Variants in CORO2B observed in about 807,000 individuals in gnomAD.
CORO2B encodes coronin 2B.
CORO2B carries 26 observed loss-of-function variants against 58.8 expected under a neutral mutation model. The observed-to-expected ratio is 0.44, with a 90% CI of 0.32 to 0.61. The LOEUF (loss-of-function observed/expected upper bound fraction) is 0.61, where lower values mean the gene tolerates loss of function less well. CORO2B is among the 20% of genes least tolerant of loss of function. The pLI is 0.04. For missense variants in CORO2B, 460 were observed against 645.1 expected, an observed-to-expected ratio of 0.71 and a Z score of 3.11; for synonymous variants, 242 against 253.8, an observed-to-expected ratio of 0.95 and a Z score of 0.44.
At chr15:68,563,677 C>T in the CORO2B span, among the ~76,000 whole-genome samples, 4 of 152,010 alleles carry the variant, frequency 2.6e-5, no homozygotes, top group Non-Finnish European at 5.9e-5. Context: ...AGACTCATAT[C>T]ACTAATGTCA....
At chr15:68,720,020 G>T (rs557060077) in intron 11 of CORO2B, among the ~76,000 whole-genome samples, 3 of 152,132 alleles carry the variant, frequency 2.0e-5, no homozygotes, top group Non-Finnish European at 2.9e-5. Context: ...AGCTCTTTTG[G>T]GGCAGCTCGG....
chr15:68,563,709 CT>C, the CORO2B span, among the ~76,000 whole-genome samples: 1 of 152,002 alleles, frequency 6.6e-6, no homozygotes, highest in Non-Finnish European at 1.5e-5. Context: ...GGGGACAATA[CT>C]ACCAACCTTA....
At chr15:68,654,875 T>C (rs921306903) in intron 2 of CORO2B, among the ~76,000 whole-genome samples, 3 of 152,234 alleles carry the variant, frequency 2.0e-5, no homozygotes, top group African/African-American at 7.2e-5. Flanking sequence ...GCCTTCCTGC[T>C]ACTGTTGTCT....
chr15:68,645,836 CG>C lies in CORO2B; in HGVS notation c.216+477del, dbSNP rs1379462415. Among the ~76,000 whole-genome samples, 1 of 152,002 alleles carries C rather than the reference CG, an allele frequency of 6.6e-6. No homozygotes were observed. Among genetic ancestry groups the C allele is most frequent in the Non-Finnish European group, 1.5e-5 (1 of 68,012 alleles). Reference sequence around the variant, plus strand: ...TCGTCCAGGCTGAAGTTCAATGGCGCGATCTCGGCTCACTGCAACCTCTGCC... The same window carrying C: ...TCGTCCAGGCTGAAGTTCAATGGCGCATCTCGGCTCACTGCAACCTCTGCC... On this transcript the variant is annotated intron_variant, in intron 2 of 11. Transcript: ENST00000261861. This position sits in a 1 kb window ranked among gnomAD's most constrained non-coding sequence, Gnocchi z 4.5.
intron 11 of CORO2B, among the ~76,000 whole-genome samples, chr15:68,724,791 C>T (rs1303218403): frequency 2.0e-5 from 3 of 152,158 alleles, no homozygotes; most frequent in African/African-American, 7.2e-5. Context: ...CTGTGGGTAA[C>T]ATTCAACTCA....
chr15:68,523,090 A>AT, the CORO2B span, among the ~76,000 whole-genome samples: 1 of 151,796 alleles, frequency 6.6e-6, no homozygotes, highest in Admixed American at 6.6e-5. Flanking sequence ...TTCTCTTGTC[A>AT]TTTTTCCTCC....
At chr15:68,661,208 C>T (rs1187840238) in intron 2 of CORO2B, among the ~76,000 whole-genome samples, 2 of 152,076 alleles carry the variant, frequency 1.3e-5, no homozygotes, top group African/African-American at 2.4e-5. Context: ...GAACTCCTGT[C>T]CTCAAGTGAT....
At chr15:68,662,021 TA>T (rs1566999573) in intron 2 of CORO2B, among the ~76,000 whole-genome samples, 4 of 151,438 alleles carry the variant, frequency 2.6e-5, no homozygotes, top group African/African-American at 7.3e-5. Flanking sequence ...AATAAATAAA[TA>T]AATAAATTAA....
chr15:68,562,832 C>T, the CORO2B span, among the ~76,000 whole-genome samples: 1 of 151,828 alleles, frequency 6.6e-6, no homozygotes, highest in South Asian at 2.1e-4. Context: ...AAAAAATTAG[C>T]CGGGCGTGGT....
At chr15:68,693,976 C>T (rs1365662396) in intron 2 of CORO2B, among the ~76,000 whole-genome samples, 2 of 152,202 alleles carry the variant, frequency 1.3e-5, no homozygotes, top group African/African-American at 4.8e-5. Context: ...GCTGGGATTA[C>T]AGGCGTGTGT....
intron 1 of CORO2B, among the ~76,000 whole-genome samples, chr15:68,622,526 T>G (rs1208743269): frequency 1.3e-5 from 2 of 152,136 alleles, no homozygotes; most frequent in Non-Finnish European, 2.9e-5. Flanking sequence ...GACCTCCAGT[T>G]TCTTTAATTG....
chr15:68,681,316 G>A (rs941764947), intron 2 of CORO2B, among the ~76,000 whole-genome samples: 2 of 152,024 alleles, frequency 1.3e-5, no homozygotes, highest in South Asian at 2.1e-4. Context: ...GAGTTGGGGC[G>A]TCTCTTGAGG....
chr15:68,697,406 T>C (rs1268324389), intron 3 of CORO2B, among the ~76,000 whole-genome samples: 1 of 152,172 alleles, frequency 6.6e-6, no homozygotes, highest in Non-Finnish European at 1.5e-5. Context: ...ATTAATATAG[T>C]CCATCTAATC....
chr15:68,711,399 C>T (rs1244080666), intron 4 of CORO2B, 143 bp from the exon 5 acceptor site: 6 of 630,514 alleles, frequency 9.5e-6, no homozygotes, highest in Admixed American at 6.2e-5. Flanking sequence ...CCATATAGAA[C>T]TCAATGACCC....
chr15:68,617,690 C>G (rs1384590433), intron 1 of CORO2B, among the ~76,000 whole-genome samples: 1 of 152,150 alleles, frequency 6.6e-6, no homozygotes, highest in Non-Finnish European at 1.5e-5. Context: ...TCATCACTCT[C>G]ATTTTATAGA....
intron 2 of CORO2B, among the ~76,000 whole-genome samples, chr15:68,691,732 G>GGAGA (rs1892383035): frequency 6.6e-6 from 1 of 151,896 alleles, no homozygotes; most frequent in Admixed American, 6.6e-5. Context: ...CCGAGTGCAG[G>GGAGA]GCTCTGGCCA....
chr15:68,613,108 G>A (rs948382617), intron 1 of CORO2B, among the ~76,000 whole-genome samples: 8 of 152,188 alleles, frequency 5.3e-5, no homozygotes, highest in Non-Finnish European at 1.0e-4. Context: ...TCCAGAAGAG[G>A]CATGTAATGG....
At chr15:68,595,434 A>G (rs1312905351) in intron 1 of CORO2B, among the ~76,000 whole-genome samples, 1 of 152,260 alleles carries the variant, frequency 6.6e-6, no homozygotes, top group Admixed American at 6.5e-5. Flanking sequence ...ATCGTCAGAT[A>G]TAGAAGCCTG....
the CORO2B span, among the ~76,000 whole-genome samples, chr15:68,521,449 C>T: frequency 6.6e-6 from 1 of 152,174 alleles, no homozygotes; most frequent in Non-Finnish European, 1.5e-5. Context: ...TTGAATGTCA[C>T]ATTACATTAT....
Sources: allele counts gnomAD v4.1 joint callset (sites outside exome capture counted in the v4.1 genomes callset), GRCh38; gene constraint gnomAD v4.1.1; non-coding constraint Gnocchi (gnomAD v3.1); transcripts MANE v1.5; gene names NCBI Gene and HGNC (gene_info 2026-07-23, HGNC 2026-07-21).